Variants in FHIT observed in about 807,000 individuals in gnomAD.
FHIT encodes bis(5'-adenosyl)-triphosphatase.
In FHIT, 19 loss-of-function variants were observed where a neutral mutation model predicts 17.9. The observed-to-expected ratio is 1.06, with a 90% CI of 0.74 to 1.56. The LOEUF (loss-of-function observed/expected upper bound fraction) is 1.56, where lower values mean the gene tolerates loss of function less well. Ranked by LOEUF, FHIT falls within the 40% of genes most tolerant of loss-of-function variation. FHIT has a pLI of 0.00. For synonymous variants in FHIT, 81 were observed against 69.7 expected (o/e 1.16, Z -0.81); for missense variants, 248 against 189.2 (o/e 1.31, Z -1.82).
At chr3:61,115,313 A>G (rs1171957036) in intron 2 of FHIT, among the ~76,000 whole-genome samples, 1 of 152,158 alleles carries the variant, frequency 6.6e-6, no homozygotes, top group Non-Finnish European at 1.5e-5. Flanking sequence ...CTAAGAGTTC[A>G]CCATGTGAAG....
At chr3:60,078,205 AT>A (rs1244583165) in intron 5 of FHIT, among the ~76,000 whole-genome samples, 1 of 152,164 alleles carries the variant, frequency 6.6e-6, no homozygotes, top group Non-Finnish European at 1.5e-5. Flanking sequence ...TAAGATACTT[AT>A]TGATTACAAA....
intron 5 of FHIT, among the ~76,000 whole-genome samples, chr3:60,402,854 A>G (rs531548995): frequency 6.6e-6 from 1 of 152,334 alleles, no homozygotes; most frequent in South Asian, 2.1e-4. Context: ...ATCCACATTT[A>G]CTGAAATAAA....
chr3:60,304,493 A>C (rs1490380202), intron 5 of FHIT, among the ~76,000 whole-genome samples: 2 of 151,994 alleles, frequency 1.3e-5, no homozygotes, highest in African/African-American at 4.8e-5. Context: ...ACAACCTTAG[A>C]GGTCATGGCC....
intron 7 of FHIT, among the ~76,000 whole-genome samples, chr3:59,997,329 AT>A (rs1699554968): frequency 6.6e-6 from 1 of 152,170 alleles, no homozygotes; most frequent in Admixed American, 6.5e-5. Context: ...ATCAATCCAA[AT>A]TGCCAGAGAA....
In FHIT at chr3:59,747,370, A is replaced by G. The variant is rs1700665022; in HGVS notation, c.*2215T>C. ...CATCTTACATGGCAGCAGGCAAGAC[A>G]GCGTATTCAGGGGAAATGTCCTTTA... On this transcript the variant is annotated 3_prime_UTR_variant, in exon 10 of 10. Transcript: ENST00000492590. Among the ~76,000 whole-genome samples the G allele has an allele frequency of 6.6e-6, 1 of 152,108 alleles. No homozygotes were observed.
chr3:60,922,829 G>A (rs1175038898), intron 3 of FHIT, among the ~76,000 whole-genome samples: 2 of 152,168 alleles, frequency 1.3e-5, no homozygotes, highest in Non-Finnish European at 2.9e-5. Flanking sequence ...AATGTCAGAG[G>A]AGGAACAGTT....
At chr3:60,363,173 T>C (rs939676841) in intron 5 of FHIT, among the ~76,000 whole-genome samples, 1 of 152,138 alleles carries the variant, frequency 6.6e-6, no homozygotes, top group Non-Finnish European at 1.5e-5. Flanking sequence ...CTTCTCTAAA[T>C]TCGTGGTGCT....
chr3:61,130,275 G>A (rs926160887), intron 2 of FHIT, among the ~76,000 whole-genome samples: 9 of 152,200 alleles, frequency 5.9e-5, no homozygotes, highest in African/African-American at 2.2e-4. Context: ...ACCTGTTTCT[G>A]CCATTTCCTT....
chr3:60,179,046 G>A (rs1429226882), intron 5 of FHIT, among the ~76,000 whole-genome samples: 1 of 152,118 alleles, frequency 6.6e-6, no homozygotes, highest in Non-Finnish European at 1.5e-5. Flanking sequence ...CAGTAGGTTT[G>A]TAAAAAGATA....
At chr3:60,807,907 T>C (rs1203385865) in intron 4 of FHIT, among the ~76,000 whole-genome samples, 1 of 152,114 alleles carries the variant, frequency 6.6e-6, no homozygotes. Context: ...GTACCTTAAA[T>C]AAGATGTCGA....
chr3:60,504,440 A>T (rs2034647937), intron 5 of FHIT, among the ~76,000 whole-genome samples: 1 of 152,146 alleles, frequency 6.6e-6, no homozygotes, highest in East Asian at 1.9e-4. Context: ...CAAAAAAAAA[A>T]AAATTTTTTT....
At chr3:60,239,012 ATTT>A (rs1168247993) in intron 5 of FHIT, among the ~76,000 whole-genome samples, 3 of 152,134 alleles carry the variant, frequency 2.0e-5, no homozygotes, top group African/African-American at 7.2e-5. Flanking sequence ...CATCCCTGGC[ATTT>A]TTCTAAGAAT....
At chr3:60,752,458 C>T (rs571179198) in intron 4 of FHIT, among the ~76,000 whole-genome samples, 7 of 152,268 alleles carry the variant, frequency 4.6e-5, no homozygotes, top group Admixed American at 3.9e-4. Context: ...AACTGGAAGG[C>T]GACTGGGGTC....
chr3:60,318,077 C>T (rs1709250229), intron 5 of FHIT, among the ~76,000 whole-genome samples: 1 of 151,988 alleles, frequency 6.6e-6, no homozygotes, highest in African/African-American at 2.4e-5. Flanking sequence ...CAGGCATGAG[C>T]CACCATGCCC....
Position 59,748,317 on chromosome 3 carries a change from T to A in FHIT, c.*1268A>T, listed in dbSNP as rs943232198. 1.3e-5 allele frequency among the ~76,000 whole-genome samples: 2 copies of A among 152,088 alleles called. No individual in the cohort carries two copies. Among genetic ancestry groups the A allele is most frequent in the African/African-American group, 4.8e-5 (2 of 41,410 alleles). ...CATGACAAAATGGGAATGAATGCAA[T>A]TTGGGGAACACTGTATTCGCCCAAG... On this transcript the variant is annotated 3_prime_UTR_variant, in exon 10 of 10. Coordinates refer to ENST00000492590, the MANE Select transcript of FHIT (RefSeq NM_002012.4).
intron 8 of FHIT, among the ~76,000 whole-genome samples, chr3:59,777,109 G>A (rs79085947): frequency 0.014 from 2,173 of 152,250 alleles, 43 homozygotes; most frequent in African/African-American, 0.048. Flanking sequence ...GCCTTTGTCT[G>A]CTTAGAAAGG....
chr3:59,864,998 A>G (rs376042269), intron 8 of FHIT, among the ~76,000 whole-genome samples: 1 of 152,192 alleles, frequency 6.6e-6, no homozygotes, highest in Non-Finnish European at 1.5e-5. Context: ...GTCACTGCTA[A>G]TTAATGATCC....
intron 2 of FHIT, among the ~76,000 whole-genome samples, chr3:61,117,917 T>C (rs2036347019): frequency 1.3e-5 from 2 of 152,060 alleles, no homozygotes; most frequent in African/African-American, 2.4e-5. Context: ...AAGCTGCGAG[T>C]GGCAAACAGG....
intron 3 of FHIT, among the ~76,000 whole-genome samples, chr3:60,900,400 T>C (rs2107220338): frequency 6.6e-6 from 1 of 151,880 alleles, no homozygotes; most frequent in East Asian, 1.9e-4. Flanking sequence ...ATAGTCACTG[T>C]ACTCCAGTCT....
Sources: gnomAD v4.1 joint callset for allele counts (sites outside exome capture counted in the v4.1 genomes callset) on GRCh38, gnomAD v4.1.1 for gene constraint, MANE v1.5 for transcripts, NCBI Gene and HGNC (gene_info 2026-07-23, HGNC 2026-07-21) for gene names.